Variants in SLC4A3 observed in about 807,000 individuals in gnomAD.
SLC4A3 encodes the protein anion exchange protein 3.
SLC4A3 carries 47 observed loss-of-function variants against 114.2 expected under a neutral mutation model. That is an observed-to-expected ratio of 0.41 (90% CI 0.33 to 0.52). The LOEUF is 0.52. SLC4A3 is among the 20% of genes least tolerant of loss of function. The pLI, the probability that SLC4A3 is intolerant of heterozygous loss-of-function variation, is 0.21. For synonymous variants in SLC4A3, 693 were observed against 710.3 expected (o/e 0.98, Z 0.39); for missense variants, 1,312 against 1,668.3 (o/e 0.79, Z 3.72).
Position 219,633,923 on chromosome 2 carries a change from G to T in SLC4A3, c.1505G>T (p.Ser502Ile). The change falls in exon 11 of 23, where the codon AGC becomes ATC. Residue 502 changes from serine (S) to isoleucine (I), a missense_variant. Physicochemically the swap from Ser to Ile is moderately radical, Grantham distance 142. Coordinates refer to ENST00000358055, the MANE Select transcript of SLC4A3 (RefSeq NM_005070.4). ...GGGGGAGATGGTCACCGGGGGAAAA[G>T]CCTGAAGCTGCTGGAGAAGATCCCT... ...MPGGDGHRGK[S>I]LKLLEKIPED... is the part of the protein sequence containing the mutation. The T allele has an allele frequency of 1.9e-6, 3 of 1,561,940 alleles. No homozygotes were observed. The highest frequency in any genetic ancestry group is 2.4e-5 in the East Asian group (1 of 42,354).
chr2:219,636,037 A>C lies in SLC4A3; in HGVS notation c.2191+146A>C. On this transcript the variant is annotated intron_variant, in intron 14 of 22. Transcript: ENST00000358055. The surrounding 1 kb of genome is among the most constrained non-coding windows in gnomAD (Gnocchi z 5.5). ...GCAAAGGTGTAAGCACCTTACAGAG[A>C]TGCTGGATCAGGGAATCCCAGCGAT... 2 of 738,122 alleles carry C rather than the reference A, an allele frequency of 2.7e-6. No homozygotes were observed. The highest frequency in any genetic ancestry group is 4.3e-6 in the Non-Finnish European group (2 of 463,442). 45.7% of individuals were successfully genotyped at this position (738,122 alleles called of 1,614,324 possible). A position where few individuals can be genotyped will look rare whatever the true frequency, so the allele number is the denominator to read the frequency against.
At position 219,636,958 on chromosome 2, in the gene SLC4A3, G is replaced by T. The variant is rs1699139116; in HGVS notation, c.2535+84G>T. ...AGGACAGCATGGGAGGGGGAGGTATGGAGAACTAGGGGACAAGGAGAGGGA... is the reference window on the plus strand; with the variant it reads ...AGGACAGCATGGGAGGGGGAGGTATTGAGAACTAGGGGACAAGGAGAGGGA... On this transcript the variant is annotated intron_variant, in intron 16 of 22. Transcript: ENST00000358055. The surrounding 1 kb of genome is among the most constrained non-coding windows in gnomAD (Gnocchi z 5.5). The T allele has an allele frequency of 2.6e-6, 3 of 1,169,282 alleles. No individual in the cohort carries two copies. The highest frequency in any genetic ancestry group is 3.7e-6 in the Non-Finnish European group (3 of 801,354). 72.4% of individuals were successfully genotyped at this position (1,169,282 alleles called of 1,614,324 possible). A position where few individuals can be genotyped will look rare whatever the true frequency, so the allele number is the denominator to read the frequency against.
chr2:219,633,943 A>T lies in SLC4A3; in HGVS notation c.1525A>T (p.Ile509Phe). 6.4e-7 allele frequency: 1 copy of T among 1,560,352 alleles called. No individual in the cohort carries two copies. Among genetic ancestry groups the T allele is most frequent in the Non-Finnish European group, 8.7e-7 (1 of 1,151,462 alleles). The change falls in exon 11 of 23, where the codon ATC (isoleucine) becomes TTC (phenylalanine). Residue 509 changes from isoleucine (I) to phenylalanine (F), a missense_variant. Around this residue, in one of 4 missense-constraint regions of SLC4A3, gnomAD observed 771 missense variants for 977.7 expected, o/e 0.79. Coordinates refer to ENST00000358055, the MANE Select transcript of SLC4A3 (RefSeq NM_005070.4). Reference sequence around the variant, plus strand: ...GAAAAGCCTGAAGCTGCTGGAGAAGATCCCTGAAGATGCTGAGGCCACGGT... The same window carrying T: ...GAAAAGCCTGAAGCTGCTGGAGAAGTTCCCTGAAGATGCTGAGGCCACGGT... ...RGKSLKLLEK[I>F]PEDAEATVVL...
In SLC4A3 at chr2:219,636,979, AG is replaced by A. The variant is rs1574655105; in HGVS notation, c.2535+108del. 9.5e-7 allele frequency: 1 copy of A among 1,048,380 alleles called. No individual in the cohort carries two copies. The highest frequency in any genetic ancestry group is 1.4e-6 in the Non-Finnish European group (1 of 701,008). The allele number at this position is 1,048,380 out of a possible 1,614,324, so 64.9% of individuals were successfully genotyped here. Reference sequence around the variant, plus strand: ...GTATGGAGAACTAGGGGACAAGGAGAGGGACTGTGTTGGGAGTGAGGGGTTC... The same window carrying A: ...GTATGGAGAACTAGGGGACAAGGAGAGGACTGTGTTGGGAGTGAGGGGTTC... On this transcript the variant is annotated intron_variant, in intron 16 of 22. Transcript: ENST00000358055. The surrounding 1 kb of genome is among the most constrained non-coding windows in gnomAD (Gnocchi z 5.5).
At position 219,630,057 on chromosome 2, in the gene SLC4A3, C is replaced by T; in HGVS notation, c.612-96C>T. On this transcript the variant is annotated intron_variant, in intron 5 of 22. Transcript: ENST00000358055. This position sits in a 1 kb window ranked among gnomAD's most constrained non-coding sequence, Gnocchi z 6.9. ...CCAGGAGGGGCCTGGGTCTCATGCT[C>T]AGGGTCTACTCCAGGCCGTGCTCTG... 6.5e-7 allele frequency: 1 copy of T among 1,538,534 alleles called. No individual in the cohort carries two copies. Among genetic ancestry groups the T allele is most frequent in the Non-Finnish European group, 8.8e-7 (1 of 1,140,468 alleles).
intron 11 of SLC4A3, 73 bp downstream of exon 11, chr2:219,634,052 G>T: frequency 1.4e-6 from 2 of 1,450,548 alleles, no homozygotes; most frequent in Non-Finnish European, 1.8e-6. Flanking sequence ...GCTTGTCTGA[G>T]CTCTGGCCTC....
chr2:219,632,463 CCCGAGG>C, intron 8 of SLC4A3, 21 bp downstream of exon 8: 2 of 1,565,934 alleles, frequency 1.3e-6, no homozygotes, highest in Non-Finnish European at 1.7e-6. Flanking sequence ...CCAGGCCTGG[CCCGAGG>C]CTGCAAGCCC....
In SLC4A3 at chr2:219,638,831, C is replaced by T. The variant is rs746896286; in HGVS notation, c.2985C>T (p.Leu995=). The T allele has an allele frequency of 1.1e-5, 17 of 1,614,016 alleles. No individual in the cohort carries two copies. Among genetic ancestry groups the T allele is most frequent in the East Asian group, 8.9e-5 (4 of 44,898 alleles). Residue 995 remains leucine, a synonymous_variant, in exon 19 of 23, where the codon CTC becomes CTT. Coordinates refer to ENST00000358055, the MANE Select transcript of SLC4A3 (RefSeq NM_005070.4). This position sits in a 1 kb window ranked among gnomAD's most constrained non-coding sequence, Gnocchi z 7.5. ...MMVAAAVPAL[L]VLILIFMETQ... is the part of the protein sequence containing the mutation. Reference sequence around the variant, plus strand: ...TGGCAGCCGCTGTTCCCGCCCTCCTCGTCCTCATCCTGATCTTCATGGAGA... The same window carrying T: ...TGGCAGCCGCTGTTCCCGCCCTCCTTGTCCTCATCCTGATCTTCATGGAGA...
chr2:219,636,610 C>T lies in SLC4A3; in HGVS notation c.2341-70C>T, dbSNP rs1448642876. The T allele has an allele frequency of 6.6e-7, 1 of 1,505,378 alleles. No individual in the cohort carries two copies. The highest frequency in any genetic ancestry group is 1.3e-5 in the South Asian group (1 of 79,566). The allele number at this position is 1,505,378 out of a possible 1,614,324, so 93.3% of individuals were successfully genotyped here. On this transcript the variant is annotated intron_variant, in intron 15 of 22. Transcript: ENST00000358055. This position sits in a 1 kb window ranked among gnomAD's most constrained non-coding sequence, Gnocchi z 5.5. The stretch of plus-strand genomic sequence containing the variant: ...CCTCTTCCTCGGAGTTCATCCGCTG[C>T]CTATTCCAGGGGGCATTGACACCCA...
intron 12 of SLC4A3, 84 bp downstream of exon 12, chr2:219,634,688 A>G: frequency 6.9e-7 from 1 of 1,446,116 alleles, no homozygotes; most frequent in Middle Eastern, 2.4e-4. Flanking sequence ...GTGCCCATAG[A>G]GGCAAGGGTG....
chr2:219,633,349 G>A lies in SLC4A3; in HGVS notation c.1353G>A (p.Gly451=). The A allele has an allele frequency of 6.2e-7, 1 of 1,607,558 alleles. No individual in the cohort carries two copies. The highest frequency in any genetic ancestry group is 8.5e-7 in the Non-Finnish European group (1 of 1,175,762). Residue 451 remains glycine (G), a synonymous_variant, in exon 10 of 23, where the codon GGG becomes GGA. Coordinates refer to ENST00000358055, the MANE Select transcript of SLC4A3 (RefSeq NM_005070.4). ...PSSSSMNSVL[G]NHHPTPSHGP... ...GCTCCAGCATGAACTCGGTTCTGGGGAATCATCACCCAACTCCCAGCCATG... is the reference window on the plus strand; with the variant it reads ...GCTCCAGCATGAACTCGGTTCTGGGAAATCATCACCCAACTCCCAGCCATG...
rs1203598079 is a variant in SLC4A3 at position 219,629,402 on chromosome 2, G to C, written c.476G>C (p.Gly159Ala). 1.3e-6 allele frequency: 2 copies of C among 1,587,124 alleles called. No homozygotes were observed. The highest frequency in any genetic ancestry group is 1.2e-5 in the South Asian group (1 of 86,300). Residue 159 changes from glycine (G) to alanine (A), a missense_variant, in exon 4 of 23, where the codon GGG becomes GCG. Gly to Ala is a moderately conservative substitution (Grantham distance 60, BLOSUM62 0). Transcript: ENST00000358055. ...GAACCTGTGGAGCCCCCCCACTCAG[G>C]GACCCCACAGAAGGCAAAGGTAGGG... ...EAEPVEPPHSGTPQKAKFSIG... is the reference protein window; with the variant it reads ...EAEPVEPPHSATPQKAKFSIG...
rs929725073 is a variant in SLC4A3 at position 219,634,541 on chromosome 2, C to T, written c.1683C>T (p.Pro561=). 6.2e-6 allele frequency: 10 copies of T among 1,614,108 alleles called. No individual in the cohort carries two copies. Among genetic ancestry groups the T allele is most frequent in the Non-Finnish European group, 8.5e-6 (10 of 1,180,060 alleles). Residue 561 remains proline (P), a synonymous_variant, in exon 12 of 23, where the codon CCC becomes CCT. Coordinates refer to ENST00000358055, the MANE Select transcript of SLC4A3 (RefSeq NM_005070.4). ...GCTTCCTCTTCGTGATGCTGGGGCC[C>T]AGCCACACCAGCACTGACTATCACG... The part of the protein sequence containing the change: ...PVRFLFVMLG[P]SHTSTDYHEL...
intron 10 of SLC4A3, among the ~76,000 whole-genome samples, 167 bp downstream of exon 10, chr2:219,633,624 C>T (rs928882472): frequency 9.9e-5 from 15 of 152,186 alleles, no homozygotes; most frequent in African/African-American, 2.7e-4. Context: ...TGCCCTGAGA[C>T]GCAGGAGTTT....
In SLC4A3 at chr2:219,628,723, C is replaced by A; in HGVS notation, c.217+153C>A. ...TGCTGGGCCACATGCCGTGTTCAGT[C>A]ATCCTGCCTCCCCCACCCATCGCCT... On this transcript the variant is annotated intron_variant, in intron 3 of 22. Transcript: ENST00000358055. This position sits in a 1 kb window ranked among gnomAD's most constrained non-coding sequence, Gnocchi z 4.8. 2 of 808,960 alleles carry A rather than the reference C, an allele frequency of 2.5e-6. No homozygotes were observed. Among genetic ancestry groups the A allele is most frequent in the Non-Finnish European group, 3.8e-6 (2 of 521,460 alleles). The allele number at this position is 808,960 out of a possible 1,614,324, so 50.1% of individuals were successfully genotyped here.
chr2:219,638,297 C>T lies in SLC4A3; in HGVS notation c.2856+44C>T. The T allele has an allele frequency of 7.0e-7, 1 of 1,423,842 alleles. No homozygotes were observed. The highest frequency in any genetic ancestry group is 9.8e-7 in the Non-Finnish European group (1 of 1,016,852). The allele number at this position is 1,423,842 out of a possible 1,614,324, so 88.2% of individuals were successfully genotyped here. A position where few individuals can be genotyped will look rare whatever the true frequency, so the allele number is the denominator to read the frequency against. On this transcript the variant is annotated intron_variant, in intron 18 of 22. Transcript: ENST00000358055. This position sits in a 1 kb window ranked among gnomAD's most constrained non-coding sequence, Gnocchi z 7.5. Reference sequence around the variant, plus strand: ...GTGGCAGCTGCTGTCACCCCCAGGCCAGGAGAGGGAGCCCACAACACACTT... The same window carrying T: ...GTGGCAGCTGCTGTCACCCCCAGGCTAGGAGAGGGAGCCCACAACACACTT...
Position 219,638,582 on chromosome 2 carries a change from T to C in SLC4A3, c.2857-121T>C, listed in dbSNP as rs1699210509. The C allele has an allele frequency of 1.0e-6, 1 of 971,758 alleles. No individual in the cohort carries two copies. Among genetic ancestry groups the C allele is most frequent in the African/African-American group, 1.6e-5 (1 of 61,124 alleles). 60.2% of individuals were successfully genotyped at this position (971,758 alleles called of 1,614,324 possible). A position where few individuals can be genotyped will look rare whatever the true frequency, so the allele number is the denominator to read the frequency against. ...GGAGGATGCAAAACTAATTTTCCCCTGACCTGTTCACACCCCAGCTCCCTG... is the reference window on the plus strand; with the variant it reads ...GGAGGATGCAAAACTAATTTTCCCCCGACCTGTTCACACCCCAGCTCCCTG... On this transcript the variant is annotated intron_variant, in intron 18 of 22. Transcript: ENST00000358055. This position sits in a 1 kb window ranked among gnomAD's most constrained non-coding sequence, Gnocchi z 7.5.
Position 219,627,968 on chromosome 2 carries a change from A to T in SLC4A3, c.-25A>T. On this transcript the variant is annotated 5_prime_UTR_variant, in exon 2 of 23. Transcript: ENST00000358055. ...GGTCTCGGGTCCCCTAGTGAGCGAGAGCGTCCCCAGCCGCCTACCTGGCCA... is the reference window on the plus strand; with the variant it reads ...GGTCTCGGGTCCCCTAGTGAGCGAGTGCGTCCCCAGCCGCCTACCTGGCCA... The T allele has an allele frequency of 6.3e-7, 1 of 1,599,204 alleles. No individual in the cohort carries two copies. Among genetic ancestry groups the T allele is most frequent in the Non-Finnish European group, 8.5e-7 (1 of 1,173,634 alleles).
In SLC4A3 at chr2:219,628,055, G is replaced by T. The variant is rs1483632361; in HGVS notation, c.51+12G>T. 5 of 1,553,120 alleles carry T rather than the reference G, an allele frequency of 3.2e-6. No homozygotes were observed. The highest frequency in any genetic ancestry group is 2.8e-5 in the African/African-American group (2 of 72,460). On this transcript the variant is annotated intron_variant, in intron 2 of 22. Transcript: ENST00000358055. The surrounding 1 kb of genome is among the most constrained non-coding windows in gnomAD (Gnocchi z 4.8). ...CCCCCCTACCCCAGGTGATCGGCGCGCGCGGGGGCGGGGGAGAGATGGGGG... is the reference window on the plus strand; with the variant it reads ...CCCCCCTACCCCAGGTGATCGGCGCTCGCGGGGGCGGGGGAGAGATGGGGG...
Sources: gnomAD v4.1 joint callset for allele counts (sites outside exome capture counted in the v4.1 genomes callset) on GRCh38, gnomAD v4.1.1 for gene constraint, gnomAD v4.1.1 regional missense constraint, Gnocchi (gnomAD v3.1) non-coding constraint, MANE v1.5 for transcripts, NCBI Gene and HGNC (gene_info 2026-07-23, HGNC 2026-07-21) for gene names.